Variants in CAMTA1 observed in about 807,000 individuals in gnomAD.
CAMTA1 encodes calmodulin-binding transcription activator 1.
A neutral mutation model predicts 170.9 loss-of-function variants in CAMTA1; 27 were observed. The ratio of observed to expected loss-of-function variants is 0.16; its 90% CI spans 0.12 to 0.22. The LOEUF (loss-of-function observed/expected upper bound fraction) is 0.22. CAMTA1 is among the 10% of genes least tolerant of loss of function. The pLI, the probability that CAMTA1 is intolerant of heterozygous loss-of-function variation, is 1.00. For synonymous variants in CAMTA1, 833 were observed against 891.5 expected, an observed-to-expected ratio of 0.93 and a Z score of 1.17; for missense variants, 1,619 against 2,217.2, an observed-to-expected ratio of 0.73 and a Z score of 5.42.
At chr1:7,567,037 A>C (rs948343781) in intron 6 of CAMTA1, among the ~76,000 whole-genome samples, 1 of 152,212 alleles carries the variant, frequency 6.6e-6, no homozygotes, top group Non-Finnish European at 1.5e-5. Flanking sequence ...GGAGGCTCAG[A>C]GCAGACAGCT....
intron 21 of CAMTA1, among the ~76,000 whole-genome samples, chr1:7,755,010 G>A (rs1322905172): frequency 6.6e-6 from 1 of 152,068 alleles, no homozygotes; most frequent in African/African-American, 2.4e-5. Flanking sequence ...GTTGTCCTTA[G>A]AAGCATTAAA....
intron 6 of CAMTA1, among the ~76,000 whole-genome samples, chr1:7,620,752 G>T (rs533466926): frequency 6.6e-6 from 1 of 152,292 alleles, no homozygotes; most frequent in Admixed American, 6.5e-5. Flanking sequence ...GAGAAGCTAT[G>T]ATTTAGAGGC....
intron 1 of CAMTA1, among the ~76,000 whole-genome samples, chr1:6,811,502 A>G (rs1466528102): frequency 2.0e-5 from 3 of 152,104 alleles, no homozygotes; most frequent in South Asian, 4.1e-4. Flanking sequence ...TAAAAAAACA[A>G]TCTCACCTTG....
At chr1:7,651,209 G>T (rs190885847) in intron 7 of CAMTA1, among the ~76,000 whole-genome samples, 7 of 152,224 alleles carry the variant, frequency 4.6e-5, no homozygotes, top group Non-Finnish European at 8.8e-5. Flanking sequence ...GTCTTTCTTG[G>T]GTGGCAGGGT....
intron 5 of CAMTA1, among the ~76,000 whole-genome samples, chr1:7,401,169 C>A (rs770324762): frequency 1.4e-4 from 22 of 152,134 alleles, no homozygotes; most frequent in Non-Finnish European, 2.6e-4. Context: ...ATCTGCTTTG[C>A]ATTAACATTT....
intron 11 of CAMTA1, among the ~76,000 whole-genome samples, chr1:7,713,355 A>G (rs1349634878): frequency 1.3e-5 from 2 of 152,208 alleles, no homozygotes; most frequent in Non-Finnish European, 2.9e-5. Flanking sequence ...GTCTATATCA[A>G]AAAGGTATCC....
intron 4 of CAMTA1, among the ~76,000 whole-genome samples, chr1:7,236,233 G>A (rs888859497): frequency 6.6e-6 from 1 of 152,196 alleles, no homozygotes; most frequent in African/African-American, 2.4e-5. Flanking sequence ...GTTCCATGTG[G>A]CGGTCCTGTC....
intron 6 of CAMTA1, among the ~76,000 whole-genome samples, chr1:7,564,337 G>A (rs1284356329): frequency 2.0e-5 from 3 of 152,208 alleles, no homozygotes; most frequent in South Asian, 2.1e-4. Context: ...CTGGATTATC[G>A]CTACTGATGT....
chr1:7,070,179 C>A (rs566837881), intron 3 of CAMTA1, among the ~76,000 whole-genome samples: 1 of 152,314 alleles, frequency 6.6e-6, no homozygotes, highest in South Asian at 2.1e-4. Context: ...TCTGCCCACA[C>A]AGAGAACAGC....
intron 4 of CAMTA1, among the ~76,000 whole-genome samples, chr1:7,103,658 T>C (rs1361635709): frequency 7.7e-6 from 1 of 130,550 alleles, no homozygotes; most frequent in East Asian, 2.5e-4. Flanking sequence ...ACACAACACA[T>C]GTACACGCAA....
At chr1:6,845,737 C>G (rs540421326) in intron 3 of CAMTA1, among the ~76,000 whole-genome samples, 2 of 152,180 alleles carry the variant, frequency 1.3e-5, no homozygotes, top group African/African-American at 2.4e-5. Context: ...AAAGCTAGAG[C>G]GTAGTAACTA....
Position 7,325,160 on chromosome 1 carries a change from C to T in CAMTA1, c.438+75534C>T, listed in dbSNP as rs1679101415. The stretch of plus-strand genomic sequence containing the variant: ...CTAGGAACATAGGAAACACAAGGAA[C>T]AGAGAAGGCACAGGTCCCCACCCTC... On this transcript the variant is annotated intron_variant, in intron 5 of 22. Transcript: ENST00000303635. The surrounding 1 kb of genome is among the most constrained non-coding windows in gnomAD (Gnocchi z 5.0). Among the ~76,000 whole-genome samples, 1 of 152,156 alleles carries T rather than the reference C, an allele frequency of 6.6e-6. No homozygotes were observed. Among genetic ancestry groups the T allele is most frequent in the Non-Finnish European group, 1.5e-5 (1 of 68,044 alleles).
rs770967725 is a variant in CAMTA1 at position 7,745,869 on chromosome 1, C to G, written c.4395C>G (p.Thr1465=). 3 of 1,614,058 alleles carry G rather than the reference C, an allele frequency of 1.9e-6. No homozygotes were observed. Among genetic ancestry groups the G allele is most frequent in the South Asian group, 2.2e-5 (2 of 91,092 alleles). The change falls in exon 18 of 23, where the codon ACC becomes ACG. Residue 1465 remains threonine (T), a synonymous_variant. Coordinates refer to ENST00000303635, the MANE Select transcript of CAMTA1 (RefSeq NM_015215.4). ...QIRSAYNEPL[T]PSSNTSLSPV... ...GAAGTGCATATAACGAGCCTCTAAC[C>G]CCTTCTTCTAATACCAGCTTGAGCC...
At chr1:7,420,127 C>T (rs1280320225) in intron 5 of CAMTA1, among the ~76,000 whole-genome samples, 1 of 152,150 alleles carries the variant, frequency 6.6e-6, no homozygotes, top group Non-Finnish European at 1.5e-5. Flanking sequence ...TGGGCCCGCA[C>T]ACCCTCCTGA....
At chr1:7,418,351 A>G (rs1384591154) in intron 5 of CAMTA1, among the ~76,000 whole-genome samples, 1 of 152,058 alleles carries the variant, frequency 6.6e-6, no homozygotes, top group African/African-American at 2.4e-5. Flanking sequence ...GCCCACCACC[A>G]ATGTGCCTGA....
chr1:7,437,844 G>A (rs1449849525), intron 5 of CAMTA1, among the ~76,000 whole-genome samples: 1 of 152,238 alleles, frequency 6.6e-6, no homozygotes, highest in South Asian at 2.1e-4. Context: ...CGGTCGGGCG[G>A]TGTGTCCAGC....
chr1:7,129,180 A>T (rs967904714), intron 4 of CAMTA1, among the ~76,000 whole-genome samples: 1 of 152,026 alleles, frequency 6.6e-6, no homozygotes, highest in South Asian at 2.1e-4. Context: ...TCACTTGCCC[A>T]GGCTCCCACA....
intron 5 of CAMTA1, among the ~76,000 whole-genome samples, chr1:7,343,905 T>A (rs1246273067): frequency 6.6e-6 from 1 of 152,224 alleles, no homozygotes; most frequent in African/African-American, 2.4e-5. Flanking sequence ...TGTGTAATAT[T>A]CCCCCGTGGG....
chr1:7,534,583 T>C lies in CAMTA1; in HGVS notation c.510+66682T>C, dbSNP rs1257349754. On this transcript the variant is annotated intron_variant, in intron 6 of 22. Transcript: ENST00000303635. The surrounding 1 kb of genome is among the most constrained non-coding windows in gnomAD (Gnocchi z 5.6). ...CCACCTCCCCGGCCAGCCCACACCC[T>C]CTGTCTTTGTCTGGCATGTCCTCGG... 6.6e-6 allele frequency among the ~76,000 whole-genome samples: 1 copy of C among 152,078 alleles called. No homozygotes were observed. Among genetic ancestry groups the C allele is most frequent in the Non-Finnish European group, 1.5e-5 (1 of 68,002 alleles).
Sources: gnomAD v4.1 joint callset for allele counts (sites outside exome capture counted in the v4.1 genomes callset) on GRCh38, gnomAD v4.1.1 for gene constraint, Gnocchi (gnomAD v3.1) non-coding constraint, MANE v1.5 for transcripts, NCBI Gene and HGNC (gene_info 2026-07-23, HGNC 2026-07-21) for gene names.